PDE4B: variants seen among roughly 807,000 people sequenced by gnomAD.
PDE4B encodes 3',5'-cyclic-AMP phosphodiesterase 4B.
PDE4B carries 20 observed loss-of-function variants against 82.2 expected under a neutral mutation model. The observed-to-expected ratio is 0.24, with a 90% CI of 0.17 to 0.35. The LOEUF is 0.35. PDE4B is among the 10% of genes least tolerant of loss of function. The pLI is 1.00. For synonymous variants in PDE4B, 320 were observed against 318.9 expected (o/e 1.00, Z -0.04); for missense variants, 655 against 907.2 (o/e 0.72, Z 3.57).
intron 1 of PDE4B, among the ~76,000 whole-genome samples, chr1:65,885,255 T>C (rs1339454753): frequency 6.6e-6 from 1 of 152,202 alleles, no homozygotes; most frequent in East Asian, 1.9e-4. Flanking sequence ...ACTTTTACAC[T>C]GTTGGTGGGA....
At chr1:66,227,980 G>C (rs1261210380) in intron 3 of PDE4B, among the ~76,000 whole-genome samples, 2 of 152,122 alleles carry the variant, frequency 1.3e-5, no homozygotes, top group Non-Finnish European at 1.5e-5. Context: ...AGCTTTGTAT[G>C]AAATGGCTTC....
intron 3 of PDE4B, among the ~76,000 whole-genome samples, chr1:66,230,305 G>A (rs1651847914): frequency 6.6e-6 from 1 of 152,186 alleles, no homozygotes; most frequent in Non-Finnish European, 1.5e-5. Flanking sequence ...TTAAAGGTTA[G>A]ATAAGCCATG....
At chr1:66,294,061 C>T (rs1657312465) in intron 7 of PDE4B, among the ~76,000 whole-genome samples, 1 of 152,084 alleles carries the variant, frequency 6.6e-6, no homozygotes, top group Admixed American at 6.6e-5. Flanking sequence ...CAAAAATTAG[C>T]CAGGTGTGGT....
rs1335202525 is a variant in PDE4B at position 66,198,260 on chromosome 1, T to C, written c.282-49200T>C. Among the ~76,000 whole-genome samples the C allele has an allele frequency of 2.0e-5, 3 of 152,162 alleles. No homozygotes were observed. The East Asian group carries it at 5.8e-4, about 29-fold the overall frequency. On this transcript the variant is annotated intron_variant, in intron 3 of 16. Transcript: ENST00000341517. The stretch of plus-strand genomic sequence containing the variant: ...TATAAAAATCTACTCTTCTGAGTGA[T>C]TGCAAAATAGCTGGTGTTAGAGTTC...
chr1:66,027,322 C>A (rs143215766), intron 3 of PDE4B, among the ~76,000 whole-genome samples: 1 of 152,244 alleles, frequency 6.6e-6, no homozygotes, highest in African/African-American at 2.4e-5. Flanking sequence ...AACTTATTCC[C>A]TATCACAAGA....
At chr1:66,272,132 G>A (rs997839507) in intron 7 of PDE4B, among the ~76,000 whole-genome samples, 1 of 152,194 alleles carries the variant, frequency 6.6e-6, no homozygotes, top group Non-Finnish European at 1.5e-5. Flanking sequence ...CCTAGCTGCT[G>A]CCTGCCTCGA....
chr1:65,901,264 T>G (rs1646969231), intron 1 of PDE4B, among the ~76,000 whole-genome samples: 1 of 152,186 alleles, frequency 6.6e-6, no homozygotes, highest in Non-Finnish European at 1.5e-5. Context: ...TTTATTGATT[T>G]GCATATTATG....
chr1:65,925,377 A>G (rs1463111475), intron 3 of PDE4B, among the ~76,000 whole-genome samples: 1 of 152,222 alleles, frequency 6.6e-6, no homozygotes, highest in East Asian at 1.9e-4. Flanking sequence ...TTATTAAAGT[A>G]CAATCAGTGT....
chr1:65,828,188 C>T (rs34476153), intron 1 of PDE4B, among the ~76,000 whole-genome samples: 15,320 of 151,998 alleles, frequency 0.1, 864 homozygotes, highest in South Asian at 0.14. Context: ...ATCTACACAA[C>T]GAAATGAGGA....
intron 3 of PDE4B, among the ~76,000 whole-genome samples, chr1:66,160,626 T>A (rs1018407898): frequency 6.6e-6 from 1 of 152,200 alleles, no homozygotes; most frequent in South Asian, 2.1e-4. Context: ...TGTTTTTTTT[T>A]AAATGTAGAC....
chr1:66,190,989 G>A (rs911780593), intron 3 of PDE4B, among the ~76,000 whole-genome samples: 2 of 151,946 alleles, frequency 1.3e-5, no homozygotes, highest in Non-Finnish European at 2.9e-5. Flanking sequence ...CCACCCCCTG[G>A]AGTTTTTCAT....
intron 3 of PDE4B, among the ~76,000 whole-genome samples, chr1:65,932,807 A>G (rs1346029803): frequency 6.6e-6 from 1 of 152,184 alleles, no homozygotes; most frequent in Non-Finnish European, 1.5e-5. Context: ...TCAAAAATTC[A>G]CTAAAGCAGT....
At chr1:66,101,602 A>G (rs181392617) in intron 3 of PDE4B, among the ~76,000 whole-genome samples, 2 of 151,984 alleles carry the variant, frequency 1.3e-5, no homozygotes, top group African/African-American at 4.8e-5. Context: ...GCATTTTTTC[A>G]TGTGTCTGTT....
chr1:66,062,893 G>A (rs1216418787), intron 3 of PDE4B: 1 of 151,894 alleles, frequency 6.6e-6, no homozygotes, highest in Admixed American at 6.6e-5. Flanking sequence ...TCCTTCTTTA[G>A]TGCAGTGAAG....
At chr1:65,804,816 C>G (rs113394903) in intron 1 of PDE4B, among the ~76,000 whole-genome samples, 1 of 152,044 alleles carries the variant, frequency 6.6e-6, no homozygotes, top group Non-Finnish European at 1.5e-5. Context: ...TGAGTCATGT[C>G]GTGGCTGCTC....
intron 7 of PDE4B, among the ~76,000 whole-genome samples, chr1:66,308,822 G>A (rs1658467202): frequency 6.6e-6 from 1 of 152,064 alleles, no homozygotes; most frequent in Non-Finnish European, 1.5e-5. Context: ...TAGAAAGTGT[G>A]GGCAACTTGA....
At chr1:66,095,344 ATGTAT>A (rs1645094408) in intron 3 of PDE4B, among the ~76,000 whole-genome samples, 1 of 151,928 alleles carries the variant, frequency 6.6e-6, no homozygotes, top group Non-Finnish European at 1.5e-5. Context: ...GAAATAAATG[ATGTAT>A]TGTGTCTAAC....
chr1:66,067,868 T>G (rs1308184583), intron 3 of PDE4B, among the ~76,000 whole-genome samples: 1 of 147,164 alleles, frequency 6.8e-6, no homozygotes, highest in Non-Finnish European at 1.5e-5. Context: ...GAATTAATTT[T>G]TCACTCATAG....
intron 3 of PDE4B, among the ~76,000 whole-genome samples, chr1:66,214,376 A>G (rs1374147906): frequency 6.6e-6 from 1 of 152,010 alleles, no homozygotes; most frequent in African/African-American, 2.4e-5. Flanking sequence ...TTTGAAGAGG[A>G]AGAAGGCAGT....
Sources: gnomAD v4.1 joint callset for allele counts (sites outside exome capture counted in the v4.1 genomes callset) on GRCh38, gnomAD v4.1.1 for gene constraint, MANE v1.5 for transcripts, NCBI Gene and HGNC (gene_info 2026-07-23, HGNC 2026-07-21) for gene names.